The following UBE2W variants were observed in gnomAD, a reference collection of about 807,000 sequenced individuals.
The protein encoded by UBE2W is ubiquitin-conjugating enzyme E2 W.
In UBE2W, 18 loss-of-function variants were observed where a neutral mutation model predicts 27.2. That is an observed-to-expected ratio of 0.66 (90% CI 0.46 to 0.98). The LOEUF is 0.98. Ranked by LOEUF, UBE2W falls within the 50% of genes least tolerant of loss-of-function variation. UBE2W has a pLI of 0.00. For synonymous variants in UBE2W, 53 were observed against 57.2 expected, an observed-to-expected ratio of 0.93 and a Z score of 0.33; for missense variants, 90 against 180.2, an observed-to-expected ratio of 0.50 and a Z score of 2.87.
chr8:73,878,562 C>T (rs888572937), intron 1 of UBE2W, among the ~76,000 whole-genome samples: 9 of 152,212 alleles, frequency 5.9e-5, no homozygotes, highest in Non-Finnish European at 1.0e-4. Flanking sequence ...CTTCCCCAAC[C>T]CTCCTTTATC....
chr8:73,832,415 T>C (rs918042656), intron 1 of UBE2W, among the ~76,000 whole-genome samples: 1 of 152,230 alleles, frequency 6.6e-6, no homozygotes, highest in African/African-American at 2.4e-5. Context: ...TTCTCTTCAA[T>C]GGGATACGTG....
Position 73,796,653 on chromosome 8 carries a change from G to T in UBE2W, c.443-2538C>A, listed in dbSNP as rs79500631. On this transcript the variant is annotated intron_variant, in intron 5 of 5. Transcript: ENST00000602593. ...AGAAACAAATGATCTGTAACAGCTA[G>T]ATCAACAGGGACTTGCGGGACTACG... 2,118 of 984,912 alleles carry T rather than the reference G, an allele frequency of 2.2e-3. 3 individuals carry two copies. Among genetic ancestry groups the T allele is most frequent in the Non-Finnish European group, 2.5e-3 (2,053 of 829,462 alleles). The allele number at this position is 984,912 out of a possible 1,614,324, so 61.0% of individuals were successfully genotyped here.
At chr8:73,847,403 A>C (rs1810857315) in intron 1 of UBE2W, among the ~76,000 whole-genome samples, 1 of 152,188 alleles carries the variant, frequency 6.6e-6, no homozygotes, top group Non-Finnish European at 1.5e-5. Context: ...TAGAAGTATA[A>C]ACTGGTAAAC....
intron 1 of UBE2W, among the ~76,000 whole-genome samples, chr8:73,852,619 A>T (rs896532204): frequency 6.6e-6 from 1 of 152,120 alleles, no homozygotes; most frequent in Non-Finnish European, 1.5e-5. Flanking sequence ...TACAATTCAA[A>T]TTTTTTTACC....
intron 1 of UBE2W, among the ~76,000 whole-genome samples, chr8:73,837,995 T>C (rs1810376904): frequency 6.6e-6 from 1 of 152,178 alleles, no homozygotes; most frequent in African/African-American, 2.4e-5. Flanking sequence ...TTTTGAAGCA[T>C]CTCAAATCTG....
At chr8:73,865,180 CAAAAAAAAAA>C (rs11354153) in intron 1 of UBE2W, among the ~76,000 whole-genome samples, 3,556 of 32,910 alleles carry the variant, frequency 0.11, 173 homozygotes, top group African/African-American at 0.27. Flanking sequence ...GTGCAAACGT[CAAAAAAAAAA>C]AAAAAAAAAA....
chr8:73,784,221 C>A (rs1292349258), downstream of UBE2W, among the ~76,000 whole-genome samples: 1 of 152,138 alleles, frequency 6.6e-6, no homozygotes, highest in Non-Finnish European at 1.5e-5. Flanking sequence ...TTCTTGGACT[C>A]CATGTGTTGA....
intron 4 of UBE2W, among the ~76,000 whole-genome samples, chr8:73,810,057 T>A (rs1809089710): frequency 6.6e-6 from 1 of 152,166 alleles, no homozygotes; most frequent in Non-Finnish European, 1.5e-5. Context: ...CTCTGGTTCC[T>A]GAAAAATTCC....
intron 1 of UBE2W, among the ~76,000 whole-genome samples, chr8:73,853,377 G>T (rs1462238437): frequency 6.6e-6 from 1 of 152,094 alleles, no homozygotes; most frequent in Non-Finnish European, 1.5e-5. Context: ...CAATGCTCCC[G>T]CCTCAGCCTC....
At chr8:73,822,230 G>T (rs187193392) in intron 3 of UBE2W, among the ~76,000 whole-genome samples, 40 of 152,100 alleles carry the variant, frequency 2.6e-4, no homozygotes, top group Non-Finnish European at 5.6e-4. Flanking sequence ...AGTGGTTGTC[G>T]GCCAACCTCC....
chr8:73,800,974 C>A (rs923409800), intron 5 of UBE2W, among the ~76,000 whole-genome samples: 1 of 152,082 alleles, frequency 6.6e-6, no homozygotes, highest in Non-Finnish European at 1.5e-5. Context: ...TGCCTGTAAC[C>A]CCAGCTACTC....
At chr8:73,836,391 A>T (rs1810309681) in intron 1 of UBE2W, among the ~76,000 whole-genome samples, 1 of 152,258 alleles carries the variant, frequency 6.6e-6, no homozygotes, top group South Asian at 2.1e-4. Flanking sequence ...AACATTTTTT[A>T]AAAAGATACA....
intron 3 of UBE2W, among the ~76,000 whole-genome samples, chr8:73,815,828 G>A (rs1386771290): frequency 3.9e-5 from 6 of 152,144 alleles, no homozygotes; most frequent in South Asian, 4.1e-4. Flanking sequence ...GGTTTTTCCA[G>A]GGACAGTATG....
chr8:73,870,818 G>C (rs1441677079), intron 1 of UBE2W, among the ~76,000 whole-genome samples: 1 of 117,906 alleles, frequency 8.5e-6, no homozygotes, highest in African/African-American at 3.5e-5. Flanking sequence ...ACAAAGCTAT[G>C]AGTGAAAAGA....
intron 3 of UBE2W, among the ~76,000 whole-genome samples, chr8:73,818,007 A>T (rs1164331793): frequency 6.6e-6 from 1 of 152,246 alleles, no homozygotes; most frequent in Non-Finnish European, 1.5e-5. Flanking sequence ...AAGGAGGCCA[A>T]GTCCTTTCAC....
At chr8:73,847,348 G>T (rs1202249324) in intron 1 of UBE2W, among the ~76,000 whole-genome samples, 2 of 152,202 alleles carry the variant, frequency 1.3e-5, no homozygotes, top group Non-Finnish European at 2.9e-5. Context: ...GGTAAGACCA[G>T]CTTGGTAGGT....
rs751852084 is a variant in UBE2W at position 73,794,128 on chromosome 8, G to T, written c.443-13C>A. Reference sequence around the variant, plus strand: ...CAACAAGTATCATCTTTAAGAAAAGGAGAAAAAAGATAATTAAAAAGTCAA... The same window carrying T: ...CAACAAGTATCATCTTTAAGAAAAGTAGAAAAAAGATAATTAAAAAGTCAA... On this transcript the variant is annotated splice_polypyrimidine_tract_variant and intron_variant, in intron 5 of 5. Transcript: ENST00000602593. The T allele has an allele frequency of 6.2e-7, 1 of 1,612,088 alleles. No homozygotes were observed. Among genetic ancestry groups the T allele is most frequent in the East Asian group, 2.2e-5 (1 of 44,810 alleles).
intron 1 of UBE2W, among the ~76,000 whole-genome samples, chr8:73,872,030 A>C (rs1812027222): frequency 6.6e-6 from 1 of 152,136 alleles, no homozygotes. Flanking sequence ...AGTAGCTGGG[A>C]CCACAGGAAT....
chr8:73,794,861 A>C (rs1488211347), intron 5 of UBE2W, among the ~76,000 whole-genome samples: 1 of 148,144 alleles, frequency 6.8e-6, no homozygotes, highest in Non-Finnish European at 1.5e-5. Context: ...TCATAAAAAA[A>C]AAAAAAAAGA....
Sources: gnomAD v4.1 joint callset for allele counts (sites outside exome capture counted in the v4.1 genomes callset) on GRCh38, gnomAD v4.1.1 for gene constraint, MANE v1.5 for transcripts, NCBI Gene and HGNC (gene_info 2026-07-23, HGNC 2026-07-21) for gene names.